Variants in LMNTD1 observed in about 807,000 individuals in gnomAD.
The protein encoded by LMNTD1 is lamin tail domain containing 1, also known as lamin tail domain-containing protein 1.
In LMNTD1, 35 loss-of-function variants were observed where a neutral mutation model predicts 50.9. The ratio of observed to expected loss-of-function variants is 0.69; its 90% CI spans 0.53 to 0.91. The LOEUF (loss-of-function observed/expected upper bound fraction) is 0.91, where lower values mean the gene tolerates loss of function less well. LMNTD1 is among the 40% of genes least tolerant of loss of function. The probability of loss-of-function intolerance (pLI) is 0.00; values close to 1 mark genes in which losing one functional copy is unlikely to be tolerated. For synonymous variants in LMNTD1, 153 were observed against 161.9 expected, an observed-to-expected ratio of 0.94 and a Z score of 0.42; for missense variants, 470 against 475.5, an observed-to-expected ratio of 0.99 and a Z score of 0.11.
At chr12:25,603,645 G>A (rs1946028634) in intron 1 of LMNTD1, among the ~76,000 whole-genome samples, 1 of 151,970 alleles carries the variant, frequency 6.6e-6, no homozygotes, top group African/African-American at 2.4e-5. Flanking sequence ...TCTTATAGGG[G>A]ATTAACAATA....
At chr12:25,493,658 T>C (rs979598944) in intron 9 of LMNTD1, among the ~76,000 whole-genome samples, 1 of 152,234 alleles carries the variant, frequency 6.6e-6, no homozygotes, top group African/African-American at 2.4e-5. Flanking sequence ...CCGTTCCCAA[T>C]GCATTTAGAA....
intron 1 of LMNTD1, among the ~76,000 whole-genome samples, chr12:25,600,449 G>A (rs1363206096): frequency 6.6e-6 from 1 of 151,714 alleles, no homozygotes; most frequent in African/African-American, 2.4e-5. Context: ...TGGACAAAGA[G>A]GATCAAATCA....
chr12:25,549,606 A>G (rs1943640689), intron 2 of LMNTD1, 60 bp from the exon 3 acceptor site: 2 of 968,708 alleles, frequency 2.1e-6, no homozygotes. Context: ...GCTGTGAATA[A>G]AAGAAGCATG....
chr12:25,545,668 A>G (rs1459857912), intron 4 of LMNTD1, among the ~76,000 whole-genome samples: 1 of 151,638 alleles, frequency 6.6e-6, no homozygotes, highest in Non-Finnish European at 1.5e-5. Flanking sequence ...AGGTGTTTTT[A>G]GACAGTAGAG....
At chr12:25,580,465 C>T (rs1945237359) in intron 1 of LMNTD1, among the ~76,000 whole-genome samples, 1 of 152,014 alleles carries the variant, frequency 6.6e-6, no homozygotes, top group Non-Finnish European at 1.5e-5. Context: ...TCTATCTTTA[C>T]CATGATGCTA....
chr12:25,569,581 C>T (rs1351461449), intron 1 of LMNTD1, among the ~76,000 whole-genome samples: 3 of 152,136 alleles, frequency 2.0e-5, no homozygotes, highest in Non-Finnish European at 4.4e-5. Context: ...TTTGTCCCCA[C>T]CCTAGTGCAA....
chr12:25,572,566 C>T (rs147707776), intron 1 of LMNTD1, among the ~76,000 whole-genome samples: 40 of 152,138 alleles, frequency 2.6e-4, no homozygotes, highest in Middle Eastern at 3.4e-3. Context: ...ACATTGAAAC[C>T]TGCAGGGTTA....
In LMNTD1 at chr12:25,538,041, C is replaced by T. The variant is rs1432366899; in HGVS notation, c.491+8333G>A. ...TTAGAGAAAAAAGAATAAAAAGAAA[C>T]GAGCAAAGCCTCCAAGAAATATGGG... On this transcript the variant is annotated intron_variant, in intron 4 of 9. Coordinates refer to ENST00000458174, the MANE Select transcript of LMNTD1 (RefSeq NM_001145728.2). Among the ~76,000 whole-genome samples the T allele has an allele frequency of 2.6e-3, 378 of 146,426 alleles. 2 individuals are homozygous for T. The highest frequency in any genetic ancestry group is 4.7e-3 in the Non-Finnish European group (314 of 66,278).
chr12:25,490,893 C>A (rs1938859382), intron 9 of LMNTD1, among the ~76,000 whole-genome samples: 2 of 152,198 alleles, frequency 1.3e-5, no homozygotes, highest in Admixed American at 1.3e-4. Context: ...CAAACTCCCA[C>A]CTAATGCAAT....
Position 25,526,919 on chromosome 12 carries a change from G to C in LMNTD1, c.528C>G (p.Val176=), listed in dbSNP as rs779372806. The change falls in exon 5 of 10, where the codon GTC becomes GTG. Residue 176 remains valine (V), a synonymous_variant. Coordinates refer to ENST00000458174, the MANE Select transcript of LMNTD1 (RefSeq NM_001145728.2). ...LGDVEIAEVN[V]KGLFVKLINS... is the part of the protein sequence containing the mutation. ...TAATGAGCTTCACGAACAAACCCTT[G>C]ACATTCACTTCAGCTATTTCAACAT... is the stretch of plus-strand genomic sequence containing the variant. The C allele has an allele frequency of 6.2e-7, 1 of 1,610,580 alleles. No individual in the cohort carries two copies. Among genetic ancestry groups the C allele is most frequent in the Non-Finnish European group, 8.5e-7 (1 of 1,178,540 alleles).
At chr12:25,598,712 A>G (rs907552776) in intron 1 of LMNTD1, among the ~76,000 whole-genome samples, 13 of 152,026 alleles carry the variant, frequency 8.6e-5, no homozygotes, top group Non-Finnish European at 1.6e-4. Context: ...ATGAGTAACT[A>G]CTATGAGCAA....
intron 4 of LMNTD1, among the ~76,000 whole-genome samples, chr12:25,539,868 C>T (rs1352827516): frequency 1.3e-4 from 20 of 150,654 alleles, no homozygotes; most frequent in East Asian, 4.0e-4. Context: ...ATCAAATAGA[C>T]GCAATAAAAA....
chr12:25,524,793 T>C (rs1591904180), intron 6 of LMNTD1, among the ~76,000 whole-genome samples: 1 of 152,282 alleles, frequency 6.6e-6, no homozygotes, highest in East Asian at 1.9e-4. Context: ...TGTAGCCTTA[T>C]TTTTCCCATC....
intron 1 of LMNTD1, among the ~76,000 whole-genome samples, chr12:25,560,808 T>G (rs975597599): frequency 5.3e-5 from 8 of 152,150 alleles, no homozygotes. Context: ...TGAATGGGAG[T>G]TCACTCATGA....
intron 1 of LMNTD1, among the ~76,000 whole-genome samples, chr12:25,560,484 C>G (rs568951196): frequency 1.3e-5 from 2 of 152,292 alleles, no homozygotes; most frequent in African/African-American, 4.8e-5. Context: ...CATGATGCCT[C>G]CAGCTTTGCT....
rs569122635 is a variant in LMNTD1 at position 25,538,402 on chromosome 12, G to C, written c.491+7972C>G. Among the ~76,000 whole-genome samples, 16 of 150,866 alleles carry C rather than the reference G, an allele frequency of 1.1e-4. No individual in the cohort carries two copies. The South Asian group carries it at 3.0e-3, about 28-fold the overall frequency. On this transcript the variant is annotated intron_variant, in intron 4 of 9. Transcript: ENST00000458174. ...GGCAGAAACCCTACAAGCTGGAAGA[G>C]AGTGGGGACCAATATTCAACATTCT...
chr12:25,646,214 C>G (rs1312237681), intron 1 of LMNTD1, among the ~76,000 whole-genome samples: 1 of 151,952 alleles, frequency 6.6e-6, no homozygotes, highest in Non-Finnish European at 1.5e-5. Context: ...CCTTGCCCAC[C>G]AAGAACAGGC....
At chr12:25,594,820 T>G (rs1945805983) in intron 1 of LMNTD1, among the ~76,000 whole-genome samples, 1 of 152,120 alleles carries the variant, frequency 6.6e-6, no homozygotes, top group Non-Finnish European at 1.5e-5. Context: ...AACAACTATC[T>G]GCTGCCTTCA....
Position 25,515,947 on chromosome 12 carries a change from T to C in LMNTD1, c.1189+2848A>G, listed in dbSNP as rs565488824. Among the ~76,000 whole-genome samples, 5 of 95,368 alleles carry C rather than the reference T, an allele frequency of 5.2e-5. 1 individual carries two copies. The South Asian group carries it at 1.9e-3, about 37-fold the overall frequency. 62.6% of individuals were successfully genotyped at this position (95,368 alleles called of 152,430 possible). The stretch of plus-strand genomic sequence containing the variant: ...TTACTTTTTGTTTTGTCTGGTTTTT[T>C]TTCTTTGCCAGCTATTGTGTGTGCT... On this transcript the variant is annotated intron_variant, in intron 8 of 9. Coordinates refer to ENST00000458174, the MANE Select transcript of LMNTD1 (RefSeq NM_001145728.2).
Sources: allele counts gnomAD v4.1 joint callset (sites outside exome capture counted in the v4.1 genomes callset), GRCh38; gene constraint gnomAD v4.1.1; transcripts MANE v1.5; gene names NCBI Gene and HGNC (gene_info 2026-07-23, HGNC 2026-07-21).